The following CRADD variants were observed in gnomAD, a reference collection of about 807,000 sequenced individuals.
The protein encoded by CRADD is death domain-containing protein CRADD.
Under a neutral mutation model 15.5 loss-of-function variants are expected in CRADD, and 9 were observed. The ratio of observed to expected loss-of-function variants is 0.58; its 90% CI spans 0.35 to 1.01. CRADD has a LOEUF of 1.01. Ranked by LOEUF, CRADD falls within the 50% of genes least tolerant of loss-of-function variation. CRADD has a pLI of 0.02. For missense variants in CRADD, 227 were observed against 250.3 expected (o/e 0.91, Z 0.63); for synonymous variants, 118 against 107.6 (o/e 1.10, Z -0.60).
chr12:93,779,591 C>CTT lies in CRADD; in HGVS notation c.299-70364_299-70363dup, dbSNP rs72096249. 6.9e-3 allele frequency among the ~76,000 whole-genome samples: 955 copies of CTT among 137,434 alleles called. 10 individuals carry two copies. Among genetic ancestry groups the CTT allele is most frequent in the African/African-American group, 0.019 (694 of 37,504 alleles). The allele number at this position is 137,434 out of a possible 152,430, so 90.2% of individuals were successfully genotyped here. A position where few individuals can be genotyped will look rare whatever the true frequency, so the allele number is the denominator to read the frequency against. ...GAGGGAATGAGGAAAAAGAAAGAAC[C>CTT]TTTTTTTTTTTTTTTTGAGACAGAG... On this transcript the variant is annotated intron_variant, in intron 2 of 2. Transcript: ENST00000332896.
chr12:93,760,659 T>C (rs1184621832), intron 2 of CRADD, among the ~76,000 whole-genome samples: 1 of 152,128 alleles, frequency 6.6e-6, no homozygotes, highest in Non-Finnish European at 1.5e-5. Context: ...TTAAGGGCGC[T>C]TGTCTTCATT....
intron 2 of CRADD, among the ~76,000 whole-genome samples, chr12:93,859,752 TCTCACTCTG>T (rs1958304635): frequency 1.3e-5 from 2 of 151,894 alleles, no homozygotes; most frequent in Admixed American, 1.3e-4. Context: ...AGAGACAGGG[TCTCACTCTG>T]TCTCCCCAGC....
At chr12:93,759,191 G>A (rs2136948119) in intron 2 of CRADD, among the ~76,000 whole-genome samples, 1 of 152,130 alleles carries the variant, frequency 6.6e-6, no homozygotes, top group Non-Finnish European at 1.5e-5. Flanking sequence ...AACTAGAATG[G>A]AAAAAAACAC....
chr12:93,892,272 A>G (rs1051228359), intron 2 of CRADD, among the ~76,000 whole-genome samples: 28 of 152,284 alleles, frequency 1.8e-4, no homozygotes, highest in African/African-American at 5.8e-4. Context: ...CAATATTTTG[A>G]TATTTTGTTC....
intron 2 of CRADD, among the ~76,000 whole-genome samples, chr12:93,842,874 ATTG>A (rs1296804599): frequency 9.2e-5 from 14 of 152,092 alleles, no homozygotes; most frequent in African/African-American, 3.4e-4. Flanking sequence ...CCTTGGCTTC[ATTG>A]CAGTAAATGG....
chr12:93,804,829 G>A (rs145282076), intron 2 of CRADD, among the ~76,000 whole-genome samples: 193 of 152,166 alleles, frequency 1.3e-3, no homozygotes, highest in African/African-American at 4.3e-3. Context: ...AGGACTCCTC[G>A]ATTCAGACCC....
chr12:93,808,669 G>C (rs1217625585), intron 2 of CRADD, among the ~76,000 whole-genome samples: 1 of 152,082 alleles, frequency 6.6e-6, no homozygotes, highest in Non-Finnish European at 1.5e-5. Context: ...TATCAGTCCA[G>C]CTCTTTGTGG....
intron 2 of CRADD, among the ~76,000 whole-genome samples, chr12:93,857,567 T>G (rs747318441): frequency 6.6e-6 from 1 of 152,246 alleles, no homozygotes; most frequent in Non-Finnish European, 1.5e-5. Context: ...TGGTTTATCT[T>G]TGTCCATTTA....
chr12:93,805,178 C>T (rs779006778), intron 2 of CRADD, among the ~76,000 whole-genome samples: 1 of 151,722 alleles, frequency 6.6e-6, no homozygotes, highest in Non-Finnish European at 1.5e-5. Context: ...AATCATGTTG[C>T]CTTTGTACAT....
chr12:93,874,047 G>A (rs1202983391), intron 2 of CRADD, among the ~76,000 whole-genome samples: 2 of 152,102 alleles, frequency 1.3e-5, no homozygotes, highest in Admixed American at 6.6e-5. Flanking sequence ...ATGTTTGGTA[G>A]AATTCAGCAG....
chr12:93,809,354 C>T (rs1451000850), intron 2 of CRADD, among the ~76,000 whole-genome samples: 1 of 152,206 alleles, frequency 6.6e-6, no homozygotes, highest in African/African-American at 2.4e-5. Flanking sequence ...AGTTCTGCCT[C>T]AGTTTGAGGA....
intron 2 of CRADD, among the ~76,000 whole-genome samples, chr12:93,790,105 G>T (rs1957331257): frequency 6.6e-6 from 1 of 152,174 alleles, no homozygotes; most frequent in Admixed American, 6.5e-5. Context: ...AGAAGTTTAA[G>T]TTCTGGCCAC....
At chr12:93,873,630 AATTTT>A (rs1958437560) in intron 2 of CRADD, among the ~76,000 whole-genome samples, 1 of 152,052 alleles carries the variant, frequency 6.6e-6, no homozygotes, top group African/African-American at 2.4e-5. Context: ...AGAGATGTTC[AATTTT>A]ATTATATGCT....
intron 2 of CRADD, among the ~76,000 whole-genome samples, chr12:93,742,462 G>C (rs962763826): frequency 6.6e-6 from 1 of 150,908 alleles, no homozygotes; most frequent in African/African-American, 2.4e-5. Context: ...TGCGGGCCCC[G>C]GCTGCCCAGC....
chr12:93,816,812 A>G (rs1007082390), intron 2 of CRADD, among the ~76,000 whole-genome samples: 3 of 152,172 alleles, frequency 2.0e-5, no homozygotes, highest in Admixed American at 1.3e-4. Context: ...GGAGTTTACC[A>G]TCACCTACTC....
intron 2 of CRADD, among the ~76,000 whole-genome samples, chr12:93,806,139 T>A (rs373125650): frequency 1.3e-5 from 2 of 151,842 alleles, no homozygotes; most frequent in African/African-American, 4.8e-5. Flanking sequence ...ATGAGCCTGG[T>A]GTAGTTGGCC....
At chr12:93,711,643 CT>C (rs1336040127) in intron 2 of CRADD, among the ~76,000 whole-genome samples, 1 of 152,094 alleles carries the variant, frequency 6.6e-6, no homozygotes. Flanking sequence ...GGGTTTTGTA[CT>C]TGCTGTTCCC....
chr12:93,793,656 A>T (rs986659630), intron 2 of CRADD, among the ~76,000 whole-genome samples: 2 of 152,146 alleles, frequency 1.3e-5, no homozygotes, highest in African/African-American at 4.8e-5. Flanking sequence ...GATGTCTGGG[A>T]TTTGCTTCAA....
chr12:93,686,157 C>T (rs137947574), intron 2 of CRADD, among the ~76,000 whole-genome samples: 5 of 151,068 alleles, frequency 3.3e-5, no homozygotes, highest in South Asian at 2.1e-4. Context: ...AAAAATTAAC[C>T]GGGTGTGGTG....
Sources: allele counts gnomAD v4.1 joint callset (sites outside exome capture counted in the v4.1 genomes callset), GRCh38; gene constraint gnomAD v4.1.1; transcripts MANE v1.5; gene names NCBI Gene and HGNC (gene_info 2026-07-23, HGNC 2026-07-21).